CIMAP2: variants seen among roughly 807,000 people sequenced by gnomAD.
CIMAP2 encodes ciliary microtubule associated protein 2, also known as ciliary microtubule-associated protein 2.
At chr1:54,836,293 CTG>C in the CIMAP2 span, among the ~76,000 whole-genome samples, 1 of 142 alleles carries the variant, frequency 7.0e-3, no homozygotes, top group Admixed American at 0.071. Flanking sequence ...GCCTGCCTGC[CTG>C]CCTGCCTGCC....
chr1:54,828,618 C>A, the CIMAP2 span, among the ~76,000 whole-genome samples: 1 of 152,170 alleles, frequency 6.6e-6, no homozygotes, highest in Admixed American at 6.6e-5. Context: ...AGGTGAGCCA[C>A]TGCACCCAGC....
the CIMAP2 span, among the ~76,000 whole-genome samples, chr1:54,821,602 T>C: frequency 6.6e-6 from 1 of 152,188 alleles, no homozygotes. Flanking sequence ...GTTTCCATTA[T>C]AGAGGTCTTT....
chr1:54,813,965 C>A, the CIMAP2 span: 7 of 1,604,498 alleles, frequency 4.4e-6, no homozygotes, highest in Middle Eastern at 3.3e-4. Context: ...AGCCAGTGCC[C>A]CCGCACACTG....
the CIMAP2 span, chr1:54,815,075 C>A: frequency 6.2e-7 from 1 of 1,610,184 alleles, no homozygotes; most frequent in South Asian, 1.1e-5. Flanking sequence ...CATGGGAACT[C>A]TCTCCTGCCT....
At chr1:54,833,028 T>A in the CIMAP2 span, among the ~76,000 whole-genome samples, 1 of 151,734 alleles carries the variant, frequency 6.6e-6, no homozygotes, top group East Asian at 1.9e-4. Flanking sequence ...AAAAAAAAAA[T>A]TAATAAAAAT....
chr1:54,811,051 T>G, the CIMAP2 span, among the ~76,000 whole-genome samples: 1 of 152,328 alleles, frequency 6.6e-6, no homozygotes, highest in Admixed American at 6.5e-5. Flanking sequence ...CCCAACCTCC[T>G]TCCCTTGCTT....
At chr1:54,839,774 G>C in the CIMAP2 span, among the ~76,000 whole-genome samples, 2 of 151,992 alleles carry the variant, frequency 1.3e-5, no homozygotes, top group Non-Finnish European at 2.9e-5. Context: ...TTTTGAGATA[G>C]TGTCAACACT....
the CIMAP2 span, chr1:54,812,321 C>T: frequency 7.6e-7 from 1 of 1,322,304 alleles, no homozygotes; most frequent in South Asian, 1.4e-5. Context: ...CTCACTTCAC[C>T]CTCACAGCCA....
chr1:54,826,020 T>G, the CIMAP2 span, among the ~76,000 whole-genome samples: 5 of 152,274 alleles, frequency 3.3e-5, no homozygotes, highest in African/African-American at 1.2e-4. Flanking sequence ...CTGGTGGCAG[T>G]GGCTACAGGT....
the CIMAP2 span, among the ~76,000 whole-genome samples, chr1:54,818,178 C>T: frequency 3.4e-4 from 52 of 152,302 alleles, no homozygotes; most frequent in Non-Finnish European, 6.5e-4. Context: ...TCTGATGCAT[C>T]TTGGCATGGG....
chr1:54,809,221 G>C, the CIMAP2 span, among the ~76,000 whole-genome samples: 5 of 152,324 alleles, frequency 3.3e-5, no homozygotes, highest in East Asian at 9.7e-4. Context: ...AGAGTGCACA[G>C]CTGCTAAGTG....
chr1:54,816,931 C>G, the CIMAP2 span: 1 of 1,600,918 alleles, frequency 6.2e-7, no homozygotes, highest in Non-Finnish European at 8.5e-7. Flanking sequence ...GAGAGGAAGC[C>G]GAGACACAGT....
chr1:54,812,363 G>A, the CIMAP2 span, among the ~76,000 whole-genome samples: 1 of 152,320 alleles, frequency 6.6e-6, no homozygotes, highest in South Asian at 2.1e-4. Flanking sequence ...GTTAGGTAGG[G>A]AAAACTGAGG....
At chr1:54,836,784 G>T in the CIMAP2 span, among the ~76,000 whole-genome samples, 1 of 152,108 alleles carries the variant, frequency 6.6e-6, no homozygotes, top group South Asian at 2.1e-4. Flanking sequence ...GGGTAAACGA[G>T]CCTGGCCTGA....
the CIMAP2 span, among the ~76,000 whole-genome samples, chr1:54,832,440 A>G: frequency 6.6e-6 from 1 of 152,210 alleles, no homozygotes; most frequent in Non-Finnish European, 1.5e-5. Flanking sequence ...AGTTAACACA[A>G]AAGGATAACC....
the CIMAP2 span, among the ~76,000 whole-genome samples, chr1:54,816,570 T>C: frequency 5.7e-4 from 87 of 152,298 alleles, 2 homozygotes; most frequent in South Asian, 0.018. Flanking sequence ...TGCAGGTCCG[T>C]GCTCCCTCTG....
At chr1:54,807,532 A>G in the CIMAP2 span, 1 of 1,564,262 alleles carries the variant, frequency 6.4e-7, no homozygotes, top group South Asian at 1.2e-5. Flanking sequence ...TCAGTCCCAC[A>G]TAGGCCCTGG....
chr1:54,820,258 C>T, the CIMAP2 span, among the ~76,000 whole-genome samples: 15,375 of 151,552 alleles, frequency 0.1, 911 homozygotes, highest in Non-Finnish European at 0.13. Context: ...GCCTCGACTT[C>T]TCAGGCTCAA....
At chr1:54,811,765 G>GCCGGGGGGGCCCCCCCCCCCC in the CIMAP2 span, 1 of 1,301,324 alleles carries the variant, frequency 7.7e-7, no homozygotes, top group Non-Finnish European at 1.1e-6. Context: ...GGTTCTGACA[G>GCCGGGGGGGCCCCCCCCCCCC]CCTCCATGCC....
Sources: gnomAD v4.1 joint callset for allele counts (sites outside exome capture counted in the v4.1 genomes callset) on GRCh38, gnomAD v4.1.1 for gene constraint, MANE v1.5 for transcripts, NCBI Gene and HGNC (gene_info 2026-07-23, HGNC 2026-07-21) for gene names.